The following DHX34 variants were observed in gnomAD, a reference collection of about 807,000 sequenced individuals.
DHX34 encodes probable ATP-dependent RNA helicase DHX34.
Under a neutral mutation model 111.1 loss-of-function variants are expected in DHX34, and 96 were observed. That is an observed-to-expected ratio of 0.86 (90% confidence interval 0.73 to 1.02). The LOEUF (loss-of-function observed/expected upper bound fraction) is 1.02. Ranked by LOEUF, DHX34 falls within the 50% of genes least tolerant of loss-of-function variation. The pLI, the probability that DHX34 is intolerant of heterozygous loss-of-function variation, is 0.00. For synonymous variants in DHX34, 688 were observed against 670.4 expected, an observed-to-expected ratio of 1.03 and a Z score of -0.41; for missense variants, 1,560 against 1,579.9, an observed-to-expected ratio of 0.99 and a Z score of 0.21.
chr19:47,375,539 A>T lies in DHX34; in HGVS notation c.2138A>T (p.Gln713Leu), dbSNP rs768910900. 6.4e-7 allele frequency: 1 copy of T among 1,558,494 alleles called. No individual in the cohort carries two copies. Among genetic ancestry groups the T allele is most frequent in the Middle Eastern group, 1.7e-4 (1 of 5,990 alleles). The change falls in exon 10 of 17, where the codon CAG (glutamine) becomes CTG (leucine). Residue 713 changes from glutamine to leucine, a missense_variant. By Grantham distance (113) the Gln-to-Leu change is moderately radical. Transcript: ENST00000328771. ...AQVGDSYSRL[Q>L]QRRERRALHQ... ...GTAGGGGACAGCTACAGTCGGTTGC[A>T]GCAGCGCCGGGAGCGCCGGGCCCTG...
intron 1 of DHX34, among the ~76,000 whole-genome samples, chr19:47,350,247 A>G (rs1969243496): frequency 6.7e-6 from 1 of 149,226 alleles, no homozygotes; most frequent in Non-Finnish European, 1.5e-5. Context: ...AGATTCAAAC[A>G]GAAAATGAGA....
intron 6 of DHX34, among the ~76,000 whole-genome samples, chr19:47,364,857 G>A (rs113000483): frequency 0.02 from 3,069 of 152,264 alleles, 44 homozygotes; most frequent in Middle Eastern, 0.041. Flanking sequence ...TAGAGTCAGG[G>A]CTCCATCCGA....
intron 14 of DHX34, 127 bp downstream of exon 14, chr19:47,380,112 C>T: frequency 7.1e-7 from 1 of 1,409,856 alleles, no homozygotes; most frequent in South Asian, 1.5e-5. Flanking sequence ...TTTCAGGCCA[C>T]AGAGGTTCAG....
intron 7 of DHX34, 27 bp from the exon 8 acceptor site, chr19:47,372,703 G>T (rs899632665): frequency 1.3e-6 from 2 of 1,551,232 alleles, no homozygotes; most frequent in East Asian, 2.3e-5. Flanking sequence ...GCACCCAGGA[G>T]CCTCAACCCC....
intron 3 of DHX34, 68 bp from the exon 4 acceptor site, chr19:47,357,798 C>T (rs1227159634): frequency 2.1e-5 from 33 of 1,539,754 alleles, no homozygotes; most frequent in Non-Finnish European, 2.8e-5. Flanking sequence ...CAGCCTGCAG[C>T]CTCCCCAGCC....
rs1240152630 is a variant in DHX34, at chr19:47,376,555, G to A, written c.2594G>A (p.Ser865Asn). Residue 865 changes from serine to asparagine, a missense_variant, in exon 12 of 17, where the codon AGC becomes AAC. Ser to Asn is a conservative substitution (Grantham distance 46). Transcript: ENST00000328771. ...CTGGAGGCCAGCAACTGCGACGGAA[G>A]CCGAGGTACAGTGAGCCCAGGCGGA... Reference protein sequence around the residue: ...QELEASNCDGSRDDKDKMSSK... With the variant: ...QELEASNCDGNRDDKDKMSSK... The A allele has an allele frequency of 1.9e-6, 3 of 1,559,210 alleles. No individual in the cohort carries two copies. Among genetic ancestry groups the A allele is most frequent in the African/African-American group, 2.7e-5 (2 of 73,442 alleles).
chr19:47,381,724 CGGCT>C, intron 16 of DHX34: 1 of 474,680 alleles, frequency 2.1e-6, no homozygotes, highest in Non-Finnish European at 2.8e-6. Context: ...CCTCCATCCC[CGGCT>C]GGCTGTGTCT....
chr19:47,356,064 C>T (rs572754195), intron 3 of DHX34, among the ~76,000 whole-genome samples: 1 of 152,210 alleles, frequency 6.6e-6, no homozygotes, highest in South Asian at 2.1e-4. Context: ...AATTCCTTGT[C>T]GTGGGGGCTG....
intron 1 of DHX34, among the ~76,000 whole-genome samples, chr19:47,351,209 C>T (rs1272252911): frequency 2.4e-4 from 29 of 120,214 alleles, no homozygotes; most frequent in African/African-American, 7.7e-4. Context: ...GACAGAGTCT[C>T]GCTCTGTTGC....
intron 9 of DHX34, among the ~76,000 whole-genome samples, chr19:47,373,935 G>A (rs959545611): frequency 3.9e-5 from 6 of 152,144 alleles, no homozygotes; most frequent in Non-Finnish European, 7.4e-5. Context: ...CAGCATCCTC[G>A]GGAAGAGCTC....
At chr19:47,349,936 CG>C (rs1217238188) in intron 1 of DHX34, among the ~76,000 whole-genome samples, 3 of 152,074 alleles carry the variant, frequency 2.0e-5, no homozygotes, top group African/African-American at 7.2e-5. Flanking sequence ...GAGTGGAGCC[CG>C]AACCCCTGGA....
At chr19:47,360,120 A>T (rs1969583752) in intron 5 of DHX34, 50 bp downstream of exon 5, 1 of 1,578,266 alleles carries the variant, frequency 6.3e-7, no homozygotes. Context: ...ACTTAGGAGC[A>T]TGGGGTCCGG....
At chr19:47,381,542 G>C (rs1457009628) in intron 16 of DHX34, 1 of 648,962 alleles carries the variant, frequency 1.5e-6, no homozygotes, top group Non-Finnish European at 2.6e-6. Context: ...CCTGTCCCCT[G>C]TGGTGTCTCT....
At chr19:47,358,281 C>G (rs2694560) in intron 4 of DHX34, among the ~76,000 whole-genome samples, 161 bp downstream of exon 4, 1 of 152,158 alleles carries the variant, frequency 6.6e-6, no homozygotes, top group Non-Finnish European at 1.5e-5. Flanking sequence ...CCCAGGTAGT[C>G]TGGCCCCGGA....
intron 9 of DHX34, among the ~76,000 whole-genome samples, chr19:47,373,979 T>G (rs147007652): frequency 6.9e-4 from 105 of 152,252 alleles, no homozygotes; most frequent in Middle Eastern, 3.4e-3. Flanking sequence ...GCTGGCTGCA[T>G]GGGCATGGTG....
intron 7 of DHX34, among the ~76,000 whole-genome samples, chr19:47,369,528 C>G (rs113392724): frequency 0.02 from 3,087 of 152,320 alleles, 44 homozygotes; most frequent in Middle Eastern, 0.041. Context: ...AACAAAACTC[C>G]TGCCCTCACG....
chr19:47,362,389 G>T, intron 5 of DHX34, 87 bp from the exon 6 acceptor site: 7 of 1,407,034 alleles, frequency 5.0e-6, no homozygotes, highest in Middle Eastern at 2.3e-4. Flanking sequence ...GTAAGTGAGG[G>T]TGTTGGCGAG....
intron 7 of DHX34, among the ~76,000 whole-genome samples, chr19:47,369,218 G>C (rs1394830081): frequency 6.6e-6 from 1 of 152,134 alleles, no homozygotes; most frequent in African/African-American, 2.4e-5. Flanking sequence ...TCACCATGTT[G>C]GTCAGGCTGA....
intron 1 of DHX34, among the ~76,000 whole-genome samples, chr19:47,351,617 G>GCT (rs1969289121): frequency 6.6e-6 from 1 of 152,128 alleles, no homozygotes; most frequent in Non-Finnish European, 1.5e-5. Context: ...ATGTTCCAGA[G>GCT]CTACCACAAA....
Sources: gnomAD v4.1 joint callset for allele counts (sites outside exome capture counted in the v4.1 genomes callset) on GRCh38, gnomAD v4.1.1 for gene constraint, MANE v1.5 for transcripts, NCBI Gene and HGNC (gene_info 2026-07-23, HGNC 2026-07-21) for gene names.